FBXW10B: variants seen among roughly 807,000 people sequenced by gnomAD.
The protein encoded by FBXW10B is F-box and WD repeat domain containing 10B.
At chr17:15,610,649 T>A in the FBXW10B span, among the ~76,000 whole-genome samples, 1 of 152,182 alleles carries the variant, frequency 6.6e-6, no homozygotes, top group Non-Finnish European at 1.5e-5. Context: ...GAGATTTCCT[T>A]GAAATTCATG....
At chr17:15,619,421 G>A in the FBXW10B span, 27 of 1,613,790 alleles carry the variant, frequency 1.7e-5, no homozygotes, top group South Asian at 5.5e-5. Context: ...TAAGACACGC[G>A]TCTCACACTT....
chr17:15,575,479 C>T, the FBXW10B span, among the ~76,000 whole-genome samples: 4 of 149,904 alleles, frequency 2.7e-5, no homozygotes, highest in Admixed American at 6.6e-5. Context: ...TCTTTGTAGC[C>T]GACTTCTGGA....
chr17:15,619,387 T>C, the FBXW10B span: 1 of 1,613,786 alleles, frequency 6.2e-7, no homozygotes, highest in African/African-American at 1.3e-5. Context: ...AGAACCACTC[T>C]TTGGTAGAGA....
At chr17:15,616,833 AAG>A in the FBXW10B span, among the ~76,000 whole-genome samples, 2,552 of 132,114 alleles carry the variant, frequency 0.019, 216 homozygotes, top group African/African-American at 0.063. Context: ...AAAAAAAAAA[AAG>A]AAGAAGGTTG....
chr17:15,584,005 T>C, the FBXW10B span, among the ~76,000 whole-genome samples: 1 of 152,202 alleles, frequency 6.6e-6, no homozygotes, highest in African/African-American at 2.4e-5. Flanking sequence ...AGTGTAAATT[T>C]GTGCAAACTC....
the FBXW10B span, among the ~76,000 whole-genome samples, chr17:15,587,895 C>G: frequency 2.0e-5 from 3 of 152,180 alleles, no homozygotes; most frequent in Non-Finnish European, 4.4e-5. Context: ...ACAAACATAC[C>G]TTACTCAGAA....
the FBXW10B span, among the ~76,000 whole-genome samples, chr17:15,596,293 C>T: frequency 2.6e-5 from 4 of 152,284 alleles, no homozygotes; most frequent in Non-Finnish European, 4.4e-5. Flanking sequence ...CTTCCTCTAC[C>T]AACCCCATGA....
At chr17:15,577,414 A>G in the FBXW10B span, among the ~76,000 whole-genome samples, 1 of 152,228 alleles carries the variant, frequency 6.6e-6, no homozygotes, top group Non-Finnish European at 1.5e-5. Flanking sequence ...ATGAGAAAAA[A>G]GAAAGCATTT....
the FBXW10B span, among the ~76,000 whole-genome samples, chr17:15,585,384 AGACACTTT>A: frequency 1.3e-5 from 2 of 152,236 alleles, no homozygotes; most frequent in Admixed American, 1.3e-4. Flanking sequence ...ATCAAGGTCA[AGACACTTT>A]GGTAAGCAGT....
chr17:15,597,462 C>CCAA, the FBXW10B span, among the ~76,000 whole-genome samples: 4 of 88,740 alleles, frequency 4.5e-5, no homozygotes, highest in East Asian at 1.7e-3. Context: ...CCCGTCTCTA[C>CCAA]TAAAAAAAAA....
chr17:15,598,599 C>A, the FBXW10B span: 2 of 1,613,072 alleles, frequency 1.2e-6, no homozygotes, highest in African/African-American at 1.3e-5. Context: ...AAGTGATAGT[C>A]CCCTGGTGAC....
the FBXW10B span, among the ~76,000 whole-genome samples, chr17:15,592,666 G>T: frequency 6.6e-6 from 1 of 151,722 alleles, no homozygotes; most frequent in African/African-American, 2.4e-5. Flanking sequence ...TAGAAGTGAG[G>T]CATCAAAGAT....
At chr17:15,614,306 A>G in the FBXW10B span, among the ~76,000 whole-genome samples, 1 of 151,732 alleles carries the variant, frequency 6.6e-6, no homozygotes, top group East Asian at 1.9e-4. Flanking sequence ...CTCCTGCCTC[A>G]GCCTCCTGAG....
chr17:15,609,328 C>T, the FBXW10B span, among the ~76,000 whole-genome samples: 7 of 146,146 alleles, frequency 4.8e-5, no homozygotes, highest in Non-Finnish European at 9.0e-5. Context: ...AATCTTTAAC[C>T]ATGTAGTCTA....
chr17:15,600,254 T>C, the FBXW10B span, among the ~76,000 whole-genome samples: 1 of 151,360 alleles, frequency 6.6e-6, no homozygotes, highest in Non-Finnish European at 1.5e-5. Flanking sequence ...ACAGAGTTAT[T>C]GTGAGGCTTG....
At chr17:15,614,288 A>C in the FBXW10B span, among the ~76,000 whole-genome samples, 2 of 151,744 alleles carry the variant, frequency 1.3e-5, no homozygotes, top group Non-Finnish European at 2.9e-5. Context: ...TCCCGGGTTC[A>C]CGCCATTCTC....
the FBXW10B span, among the ~76,000 whole-genome samples, chr17:15,608,701 G>T: frequency 4.6e-5 from 7 of 152,160 alleles, no homozygotes; most frequent in Admixed American, 2.6e-4. Context: ...TGATCTGCCT[G>T]CCTCAGCCTC....
the FBXW10B span, among the ~76,000 whole-genome samples, chr17:15,615,021 C>T: frequency 2.0e-5 from 3 of 152,176 alleles, no homozygotes; most frequent in African/African-American, 4.8e-5. Context: ...CAGAGAAAGA[C>T]TCCAAAGGAA....
At chr17:15,588,821 T>G in the FBXW10B span, 4 of 1,546,322 alleles carry the variant, frequency 2.6e-6, no homozygotes, top group South Asian at 4.5e-5. Context: ...GAGTTGGAGA[T>G]GATCACTCCA....
Sources: gnomAD v4.1 joint callset for allele counts (sites outside exome capture counted in the v4.1 genomes callset) on GRCh38, gnomAD v4.1.1 for gene constraint, MANE v1.5 for transcripts, NCBI Gene and HGNC (gene_info 2026-07-23, HGNC 2026-07-21) for gene names.